ZNF695: variants seen among roughly 807,000 people sequenced by gnomAD.
ZNF695 encodes zinc finger protein 695.
A neutral mutation model predicts 11.2 loss-of-function variants in ZNF695; 11 were observed. The ratio of observed to expected loss-of-function variants is 0.98; its 90% CI spans 0.62 to 1.62. The LOEUF (loss-of-function observed/expected upper bound fraction) is 1.62. ZNF695 is among the 40% of genes most tolerant of loss of function. ZNF695 has a pLI of 0.00. For synonymous variants in ZNF695, 190 were observed against 201.4 expected (o/e 0.94, Z 0.48); for missense variants, 559 against 590.5 (o/e 0.95, Z 0.55).
At chr1:246,967,208 G>A (rs942891602) in intron 5 of ZNF695, among the ~76,000 whole-genome samples, 1 of 152,204 alleles carries the variant, frequency 6.6e-6, no homozygotes, top group Non-Finnish European at 1.5e-5. Context: ...AAAGTGCTGG[G>A]ATTACAGGTG....
chr1:246,999,815 C>G, intron 2 of ZNF695, 97 bp downstream of exon 2: 1 of 1,294,492 alleles, frequency 7.7e-7, no homozygotes, highest in Non-Finnish European at 1.1e-6. Context: ...ACCAAGAAAT[C>G]CCCAAGGTTT....
intron 5 of ZNF695, among the ~76,000 whole-genome samples, chr1:246,952,917 T>C (rs1272365802): frequency 6.7e-6 from 1 of 149,110 alleles, no homozygotes; most frequent in South Asian, 2.1e-4. Flanking sequence ...TGAGGCCTTA[T>C]CTGTATAAAT....
chr1:246,976,938 A>G (rs2642963), intron 4 of ZNF695, among the ~76,000 whole-genome samples: 68,454 of 152,152 alleles, frequency 0.45, 17,684 homozygotes, highest in African/African-American at 0.72. Flanking sequence ...CTACTTTTTA[A>G]ACTTTAGACA....
At chr1:247,000,148 G>A in intron 1 of ZNF695, 74 bp from the exon 2 acceptor site, 1 of 1,268,368 alleles carries the variant, frequency 7.9e-7, no homozygotes, top group South Asian at 1.5e-5. Context: ...GAGAGACAGT[G>A]AAGAGAACTG....
At chr1:246,960,915 A>C (rs1668147191) in intron 5 of ZNF695, among the ~76,000 whole-genome samples, 1 of 152,230 alleles carries the variant, frequency 6.6e-6, no homozygotes, top group African/African-American at 2.4e-5. Context: ...TGTCTCAAAC[A>C]AACAAACAAA....
At chr1:246,945,941 G>T in intron 5 of ZNF695, 3 of 1,332,346 alleles carry the variant, frequency 2.3e-6, no homozygotes, top group East Asian at 2.5e-5. Flanking sequence ...CATTGGAGAA[G>T]TCTGTCTGTC....
intron 4 of ZNF695, chr1:246,969,014 T>A (rs543699366): frequency 6.6e-6 from 1 of 152,364 alleles, no homozygotes; most frequent in South Asian, 2.1e-4. Context: ...TTTCCCATTG[T>A]CTTGGCTGTT....
At chr1:246,999,121 G>T (rs1669288739) in intron 3 of ZNF695, among the ~76,000 whole-genome samples, 1 of 152,098 alleles carries the variant, frequency 6.6e-6, no homozygotes, top group Non-Finnish European at 1.5e-5. Context: ...AGATGATTGT[G>T]ACGCTCACTG....
chr1:246,967,827 A>G, intron 4 of ZNF695: 1 of 310,804 alleles, frequency 3.2e-6, no homozygotes, highest in South Asian at 2.7e-5. Context: ...GGGAAATGCT[A>G]TACACTTTTA....
chr1:246,969,959 A>G lies in ZNF695; in HGVS notation c.391-2167T>C, dbSNP rs184446708. 2.0e-5 allele frequency among the ~76,000 whole-genome samples: 3 copies of G among 152,316 alleles called. No homozygotes were observed. The East Asian group carries it at 5.8e-4, about 29-fold the overall frequency. On this transcript the variant is annotated intron_variant, in intron 4 of 5. Transcript: ENST00000487338. ...GGCCCCTCCTCCAACATTGGGGATT[A>G]CAATTCAACATGAGATGTGGGTGGG...
At chr1:246,978,638 C>T (rs1333885574) in intron 4 of ZNF695, among the ~76,000 whole-genome samples, 1 of 152,128 alleles carries the variant, frequency 6.6e-6, no homozygotes. Flanking sequence ...CTAAAGTTAC[C>T]ACATGTGTAT....
At chr1:246,978,603 C>T (rs1485832160) in intron 4 of ZNF695, among the ~76,000 whole-genome samples, 1 of 152,184 alleles carries the variant, frequency 6.6e-6, no homozygotes, top group African/African-American at 2.4e-5. Context: ...TTTGTTCATA[C>T]ATTTTTGGAG....
chr1:246,987,190 C>T lies in ZNF695; in HGVS notation c.1325G>A (p.Gly442Asp), dbSNP rs1179477876. 5 of 1,613,778 alleles carry T rather than the reference C, an allele frequency of 3.1e-6. No individual in the cohort carries two copies. Among genetic ancestry groups the T allele is most frequent in the Non-Finnish European group, 4.2e-6 (5 of 1,179,986 alleles). ...ATATGAAAACCAGTTAAAAGCTTTG[C>T]CACATTCATCACATTTGTAGGGTTT... ...GEKPYKCDEC[G>D]KAFNWFSYLT... The change falls in exon 4 of 4, where the codon GGC (glycine) becomes GAC (aspartate). Residue 442 changes from glycine to aspartate, a missense_variant. By Grantham distance (94) the Gly-to-Asp change is moderately conservative. Coordinates refer to ENST00000339986, the MANE Select transcript of ZNF695 (RefSeq NM_020394.5).
At chr1:247,000,614 T>C (rs1669335699) in intron 1 of ZNF695, among the ~76,000 whole-genome samples, 1 of 152,242 alleles carries the variant, frequency 6.6e-6, no homozygotes, top group Non-Finnish European at 1.5e-5. Flanking sequence ...GTAGGTAGTC[T>C]ACTTTTGTGC....
chr1:246,980,198 A>C lies in ZNF695; in HGVS notation c.390+7927T>G, dbSNP rs956823087. Among the ~76,000 whole-genome samples the C allele has an allele frequency of 2.8e-3, 421 of 150,880 alleles. 4 individuals are homozygous for C. Among genetic ancestry groups the C allele is most frequent in the African/African-American group, 9.5e-3 (391 of 41,190 alleles). Reference sequence around the variant, plus strand: ...GTATTTAAAAAAAAAAAAAAAAAAAAAAAAAACTTATGCTGTGTTTGAATA... The same window carrying C: ...GTATTTAAAAAAAAAAAAAAAAAAACAAAAAACTTATGCTGTGTTTGAATA... On this transcript the variant is annotated intron_variant, in intron 4 of 5. Coordinates refer to the ZNF695 transcript ENST00000487338.
intron 3 of ZNF695, among the ~76,000 whole-genome samples, chr1:246,995,762 G>A (rs1298725706): frequency 4.9e-5 from 7 of 142,416 alleles, no homozygotes; most frequent in African/African-American, 1.1e-4. Context: ...GCAGTGAGCC[G>A]AGATCGCACC....
At chr1:246,951,226 AG>A (rs1420137797) in intron 5 of ZNF695, among the ~76,000 whole-genome samples, 4 of 152,142 alleles carry the variant, frequency 2.6e-5, no homozygotes, top group Admixed American at 6.6e-5. Context: ...TTCCCCAAAA[AG>A]GTATGCTGAA....
In ZNF695 at chr1:247,004,365, G is replaced by A. The variant is rs559580596; in HGVS notation, c.3+3541C>T. Among the ~76,000 whole-genome samples, 40 of 151,690 alleles carry A rather than the reference G, an allele frequency of 2.6e-4. 1 individual carries two copies. The highest frequency in any genetic ancestry group is 2.1e-3 in the South Asian group (10 of 4,802). On this transcript the variant is annotated intron_variant, in intron 1 of 3. Coordinates refer to ENST00000339986, the MANE Select transcript of ZNF695 (RefSeq NM_020394.5). ...CCATATGATCATTTCAACTGATGCC[G>A]AAAAAGAATTTCATAAAATTCAACA... is the stretch of plus-strand genomic sequence containing the variant.
chr1:246,979,230 C>T (rs1691228), intron 4 of ZNF695, among the ~76,000 whole-genome samples: 11,226 of 151,948 alleles, frequency 0.074, 638 homozygotes, highest in African/African-American at 0.15. Context: ...AAATAGAGTC[C>T]TTTGGTGGGT....
Sources: allele counts gnomAD v4.1 joint callset (sites outside exome capture counted in the v4.1 genomes callset), GRCh38; gene constraint gnomAD v4.1.1; transcripts MANE v1.5; gene names NCBI Gene and HGNC (gene_info 2026-07-23, HGNC 2026-07-21).